The following CAPS2 variants were observed in gnomAD, a reference collection of about 807,000 sequenced individuals.
CAPS2 encodes the protein calcyphosin-2.
In CAPS2, 98 loss-of-function variants were observed where a neutral mutation model predicts 86.5. That is an observed-to-expected ratio of 1.13 (90% CI 0.96 to 1.34). The LOEUF (loss-of-function observed/expected upper bound fraction) is 1.34. Ranked by LOEUF, CAPS2 falls within the 40% of genes most tolerant of loss-of-function variation. CAPS2 has a pLI of 0.00. For missense variants in CAPS2, 729 were observed against 686.8 expected, an observed-to-expected ratio of 1.06 and a Z score of -0.69; for synonymous variants, 210 against 225.1, an observed-to-expected ratio of 0.93 and a Z score of 0.60.
intron 1 of CAPS2, among the ~76,000 whole-genome samples, chr12:75,337,204 C>T (rs532794647): frequency 6.6e-6 from 1 of 151,544 alleles, no homozygotes. Flanking sequence ...AGGTAGGAAA[C>T]AAGTTTAAAT....
chr12:75,287,729 G>C (rs140356993), intron 14 of CAPS2, among the ~76,000 whole-genome samples: 125 of 152,248 alleles, frequency 8.2e-4, no homozygotes, highest in African/African-American at 3.0e-3. Flanking sequence ...ATATCCATTA[G>C]AGTAAACCAG....
At chr12:75,362,714 C>T (rs529463181) in intron 1 of CAPS2, among the ~76,000 whole-genome samples, 13 of 152,206 alleles carry the variant, frequency 8.5e-5, no homozygotes, top group South Asian at 4.1e-4. Flanking sequence ...TAGATAAGGA[C>T]TATGATATTA....
In CAPS2 at chr12:75,351,860, C is replaced by T. The variant is rs560748453; in HGVS notation, c.-394-28638G>A. On this transcript the variant is annotated intron_variant, in intron 1 of 5. Coordinates refer to the CAPS2 transcript ENST00000551829. ...TCGTGCTGGCCCAATATTTAACATT[C>T]TTAAAGAAAAAAATTTTCAGTCTAG... Among the ~76,000 whole-genome samples the T allele has an allele frequency of 5.9e-5, 9 of 152,206 alleles. 1 individual carries two copies. In the South Asian group the frequency reaches 1.9e-3, roughly 32 times the overall value.
At chr12:75,374,390 G>T (rs1453721539) in intron 1 of CAPS2, among the ~76,000 whole-genome samples, 1 of 152,192 alleles carries the variant, frequency 6.6e-6, no homozygotes, top group African/African-American at 2.4e-5. Context: ...TTTCTTGGTT[G>T]TAGGAGTGGC....
chr12:75,301,137 A>G (rs533604935), intron 8 of CAPS2, among the ~76,000 whole-genome samples: 40 of 152,362 alleles, frequency 2.6e-4, no homozygotes, highest in Non-Finnish European at 1.0e-4. Flanking sequence ...CCTTTATATT[A>G]AGAGATCTGA....
intron 8 of CAPS2, among the ~76,000 whole-genome samples, chr12:75,300,924 T>G (rs1441870886): frequency 6.6e-6 from 1 of 152,232 alleles, no homozygotes; most frequent in African/African-American, 2.4e-5. Flanking sequence ...TTTTCAGTGA[T>G]GTGTAGCTGA....
At chr12:75,290,823 T>TGAGGCAAGGAGGCTC (rs1360661825) in intron 13 of CAPS2, among the ~76,000 whole-genome samples, 1 of 151,100 alleles carries the variant, frequency 6.6e-6, no homozygotes, top group Non-Finnish European at 1.5e-5. Flanking sequence ...TCAGGAGGCT[T>TGAGGCAAGGAGGCTC]GAGGCAAGGA....
At chr12:75,369,716 T>C (rs1242510765) in intron 1 of CAPS2, 2 of 985,126 alleles carry the variant, frequency 2.0e-6, no homozygotes, top group African/African-American at 3.5e-5. Flanking sequence ...TTTCTGGTTT[T>C]GACTTTTGTG....
intron 1 of CAPS2, among the ~76,000 whole-genome samples, chr12:75,337,136 T>A (rs780105440): frequency 3.3e-5 from 5 of 151,806 alleles, no homozygotes; most frequent in Non-Finnish European, 7.4e-5. Flanking sequence ...TAGATTTAAA[T>A]GAATATTTTA....
At chr12:75,304,583 G>A (rs1419001220) in intron 8 of CAPS2, among the ~76,000 whole-genome samples, 174 bp downstream of exon 8, 3 of 152,016 alleles carry the variant, frequency 2.0e-5, no homozygotes, top group African/African-American at 7.3e-5. Context: ...ATAAGGTATT[G>A]CCCCTAATAT....
chr12:75,278,949 TAC>T lies in CAPS2; in HGVS notation c.1727_1728del (p.Ser576AsnfsTer6), dbSNP rs2033378469. ...AAGTCTTCATCATCTACTATTCCTA[TAC>T]TTAAACCTTCATAGTAATCTTCAAA... On this transcript the variant is annotated frameshift_variant, in exon 17 of 17. Coordinates refer to ENST00000393284, the Ensembl canonical transcript of CAPS2. LOFTEE classifies it high-confidence loss of function. 6.2e-7 allele frequency: 1 copy of T among 1,609,092 alleles called. No homozygotes were observed. The highest frequency in any genetic ancestry group is 8.5e-7 in the Non-Finnish European group (1 of 1,178,224).
At chr12:75,329,727 C>A (rs1593585998), upstream of CAPS2, 1 of 917,342 alleles carries the variant, frequency 1.1e-6, no homozygotes, top group East Asian at 3.0e-5. Flanking sequence ...ACCCAGATAT[C>A]TGAATTGAAA....
chr12:75,356,555 A>G (rs1283947929), intron 1 of CAPS2, among the ~76,000 whole-genome samples: 1 of 152,218 alleles, frequency 6.6e-6, no homozygotes, highest in Non-Finnish European at 1.5e-5. Context: ...AGTAATCGCA[A>G]ATAAGCCAAC....
chr12:75,335,801 G>A (rs1306816449), intron 1 of CAPS2, among the ~76,000 whole-genome samples: 1 of 151,936 alleles, frequency 6.6e-6, no homozygotes, highest in Non-Finnish European at 1.5e-5. Flanking sequence ...AATATATAAT[G>A]TTTACCAGCT....
At position 75,339,289 on chromosome 12, in the gene CAPS2, C is replaced by CA. The variant is rs2041945515; in HGVS notation, c.-394-16068dup. 2.0e-5 allele frequency among the ~76,000 whole-genome samples: 3 copies of CA among 152,116 alleles called. No individual in the cohort carries two copies. The South Asian group carries it at 6.2e-4, about 31-fold the overall frequency. On this transcript the variant is annotated intron_variant, in intron 1 of 5. Coordinates refer to the CAPS2 transcript ENST00000551829. ...TGTTTCTGGACTTTTTAATAATTGC[C>CA]ATTCTGAGTGGCCTAAGATGGTATC...
At chr12:75,282,372 T>C in intron 15 of CAPS2, 25 bp from the exon 16 acceptor site, 1 of 1,435,072 alleles carries the variant, frequency 7.0e-7, no homozygotes, top group Non-Finnish European at 9.8e-7. Context: ...ATTATTATTA[T>C]TAGTTTGTTG....
chr12:75,352,791 AAC>A (rs1415349361), intron 1 of CAPS2, among the ~76,000 whole-genome samples: 5 of 152,200 alleles, frequency 3.3e-5, no homozygotes, highest in Non-Finnish European at 7.3e-5. Flanking sequence ...CTGAAATCAT[AAC>A]AGTCTCTCAG....
chr12:75,342,692 A>C (rs1384289546), intron 1 of CAPS2, among the ~76,000 whole-genome samples: 1 of 152,118 alleles, frequency 6.6e-6, no homozygotes, highest in Non-Finnish European at 1.5e-5. Flanking sequence ...TTTCCACATA[A>C]ATTTTGTAAT....
chr12:75,371,384 A>G (rs560076567), intron 1 of CAPS2: 98 of 225,226 alleles, frequency 4.4e-4, no homozygotes, highest in Non-Finnish European at 5.6e-5. Context: ...AGCCGATTGG[A>G]TGTTGCCCAC....
Sources: gnomAD v4.1 joint callset for allele counts (sites outside exome capture counted in the v4.1 genomes callset) on GRCh38, gnomAD v4.1.1 for gene constraint, MANE v1.5 for transcripts, NCBI Gene and HGNC (gene_info 2026-07-23, HGNC 2026-07-21) for gene names.